ZNF41: variants seen among roughly 807,000 people sequenced by gnomAD.
ZNF41 encodes the protein zinc finger protein 41.
A neutral mutation model predicts 9.3 loss-of-function variants in ZNF41; 6 were observed. The observed-to-expected ratio is 0.65, with a 90% CI of 0.35 to 1.28. The LOEUF (loss-of-function observed/expected upper bound fraction) is 1.28. ZNF41 is among the 50% of genes most tolerant of loss of function. The probability of loss-of-function intolerance (pLI) is 0.03; values close to 1 mark genes in which losing one functional copy is unlikely to be tolerated. For missense variants in ZNF41, 523 were observed against 585.8 expected (o/e 0.89, Z 1.11); for synonymous variants, 192 against 207.1 (o/e 0.93, Z 0.63).
rs771308851 is a variant in ZNF41, at chrX:47,455,929, C to T, written c.287G>A (p.Ser96Asn). Residue 96 changes from serine (S) to asparagine (N), a missense_variant, in exon 4 of 5, where the codon AGC (serine) becomes AAC (asparagine). Ser to Asn is a conservative substitution (Grantham distance 46). Transcript: ENST00000684689. ...GGGTCATGCTCACTCACCTGAACAG[C>T]TCTGATGTGGGGCTTCCCCCTCCAG... ...WMLEGEAPHQSCSGEAIGKMQ... is the reference protein window; with the variant it reads ...WMLEGEAPHQNCSGEAIGKMQ... The T allele has an allele frequency of 1.3e-5, 16 of 1,209,216 alleles. No homozygotes were observed. Among genetic ancestry groups the T allele is most frequent in the South Asian group, 5.3e-5 (3 of 56,818 alleles).
At chrX:47,469,173 T>G (rs751748455) in intron 1 of ZNF41, among the ~76,000 whole-genome samples, 1 of 102,167 alleles carries the variant, frequency 9.8e-6, no homozygotes, top group Non-Finnish European at 2.0e-5. Flanking sequence ...TAGCCGGGCG[T>G]AGTGGCGGGC....
At chrX:47,456,647 C>CT (rs2056576471) in intron 2 of ZNF41, among the ~76,000 whole-genome samples, 1 of 112,161 alleles carries the variant, frequency 8.9e-6, no homozygotes, top group African/African-American at 3.2e-5. Context: ...AATGGGCTCT[C>CT]TTTAAGTCCT....
intron 1 of ZNF41, among the ~76,000 whole-genome samples, chrX:47,478,668 G>A (rs908084618): frequency 9.0e-6 from 1 of 111,169 alleles, no homozygotes; most frequent in Non-Finnish European, 1.9e-5. Context: ...AATCATGGCC[G>A]GACACAGTGG....
chrX:47,476,029 C>T (rs1377319058), intron 1 of ZNF41, among the ~76,000 whole-genome samples: 1 of 111,278 alleles, frequency 9.0e-6, no homozygotes, highest in Non-Finnish European at 1.9e-5. Context: ...CATATGAAAA[C>T]TATAAGGACA....
intron 4 of ZNF41, among the ~76,000 whole-genome samples, chrX:47,453,067 A>G (rs1465145478): frequency 8.9e-6 from 1 of 112,263 alleles, no homozygotes; most frequent in Non-Finnish European, 1.9e-5. Context: ...AGATTTTTCT[A>G]TAAAAAGAAA....
chrX:47,482,369 C>T (rs1360895257), intron 1 of ZNF41: 1 of 109,278 alleles, frequency 9.2e-6, no homozygotes, highest in African/African-American at 3.5e-5. Flanking sequence ...CATAACATCC[C>T]CATAATTATC....
At chrX:47,465,744 C>T (rs1029404242) in intron 2 of ZNF41, among the ~76,000 whole-genome samples, 6 of 110,384 alleles carry the variant, frequency 5.4e-5, no homozygotes, top group Admixed American at 4.9e-4. Flanking sequence ...GAGGTTGAGG[C>T]TGCAGTAAGC....
chrX:47,476,021 T>C (rs1054556219), intron 1 of ZNF41, among the ~76,000 whole-genome samples: 1 of 111,136 alleles, frequency 9.0e-6, no homozygotes, highest in African/African-American at 3.3e-5. Flanking sequence ...GATAGGAACA[T>C]ATGAAAACTA....
Position 47,445,497 on chromosome X carries a change from G to C in ZNF41, c.*1933C>G, listed in dbSNP as rs968447255. On this transcript the variant is annotated 3_prime_UTR_variant, in exon 5 of 5. Coordinates refer to ENST00000684689, the MANE Select transcript of ZNF41 (RefSeq NM_001324144.2). Reference sequence around the variant, plus strand: ...TATATGCCCACCACTAATGGCTATAGTAAAAAAGATGGAAAATGCCAAATG... The same window carrying C: ...TATATGCCCACCACTAATGGCTATACTAAAAAAGATGGAAAATGCCAAATG... 2.7e-5 allele frequency among the ~76,000 whole-genome samples: 3 copies of C among 112,207 alleles called. No individual in the cohort carries two copies. The highest frequency in any genetic ancestry group is 9.7e-5 in the African/African-American group (3 of 30,901).
intron 2 of ZNF41, among the ~76,000 whole-genome samples, chrX:47,464,128 A>G (rs6608724): frequency 0.27 from 29,477 of 109,159 alleles, 3,045 homozygotes; most frequent in South Asian, 0.4. Context: ...CTATTTCCTG[A>G]TACCTCCTCC....
intron 1 of ZNF41, 91 bp from the exon 2 acceptor site, chrX:47,467,851 G>C (rs965913708): frequency 2.2e-5 from 5 of 231,360 alleles, no homozygotes; most frequent in African/African-American, 5.7e-5. Flanking sequence ...AATGAATGAG[G>C]GTTTGTATTT....
chrX:47,471,421 C>T (rs1177044885), intron 1 of ZNF41, among the ~76,000 whole-genome samples: 1 of 108,625 alleles, frequency 9.2e-6, no homozygotes, highest in African/African-American at 3.4e-5. Flanking sequence ...TGCACTCCAG[C>T]CTGGGGGGAT....
rs2056296455 is a variant in ZNF41 at position 47,449,900 on chromosome X, A to G, written c.296-426T>C. 2.7e-5 allele frequency among the ~76,000 whole-genome samples: 3 copies of G among 111,782 alleles called. No individual in the cohort carries two copies. In the South Asian group the frequency reaches 1.1e-3, roughly 42 times the overall value. Reference sequence around the variant, plus strand: ...TGTAAGAGGCCTGGATTGTGAGTAGAGTAACCAGAAGAAACTGCAGCCTGT... The same window carrying G: ...TGTAAGAGGCCTGGATTGTGAGTAGGGTAACCAGAAGAAACTGCAGCCTGT... On this transcript the variant is annotated intron_variant, in intron 4 of 4. Transcript: ENST00000684689.
chrX:47,456,106 TA>T, intron 3 of ZNF41, 90 bp from the exon 4 acceptor site: 1 of 1,074,936 alleles, frequency 9.3e-7, no homozygotes, highest in Non-Finnish European at 1.3e-6. Flanking sequence ...TTCAGAAAAG[TA>T]AACACATTTC....
At position 47,447,855 on chromosome X, in the gene ZNF41, C is replaced by G. The variant is rs149654498; in HGVS notation, c.1915G>C (p.Asp639His). 9.9e-6 allele frequency: 12 copies of G among 1,209,779 alleles called. No individual in the cohort carries two copies. In the African/African-American group the frequency reaches 1.9e-4, roughly 19 times the overall value. The part of the protein sequence containing the change: ...HTGEKPYECS[D>H]CGKCFTKKSQ... ...TTCTTAGTGAAGCATTTCCCACAGT[C>G]GCTGCATTCATAAGGCTTCTCTCCA... Residue 639 changes from aspartate (D) to histidine (H), a missense_variant, in exon 5 of 5, where the codon GAC becomes CAC. By Grantham distance (81) the Asp-to-His change is moderately conservative (BLOSUM62 -1). Transcript: ENST00000684689.
chrX:47,449,595 A>G, intron 4 of ZNF41, 121 bp from the exon 5 acceptor site: 1 of 779,666 alleles, frequency 1.3e-6, no homozygotes, highest in Admixed American at 3.5e-5. Context: ...ACAATATAGT[A>G]GTAATAATGT....
chrX:47,480,851 A>G (rs1429059274), intron 1 of ZNF41, among the ~76,000 whole-genome samples: 5 of 106,722 alleles, frequency 4.7e-5, no homozygotes, highest in Non-Finnish European at 7.7e-5. Flanking sequence ...AAAAAATCCA[A>G]TGTGGAACAG....
In ZNF41 at chrX:47,449,012, C is replaced by T. The variant is rs751814144; in HGVS notation, c.758G>A (p.Ser253Asn). Residue 253 changes from serine (S) to asparagine (N), a missense_variant, in exon 5 of 5, where the codon AGC (serine) becomes AAC (asparagine). Physicochemically the swap from Ser to Asn is conservative, Grantham distance 46. Transcript: ENST00000684689. ...CEHDHYEKHL[S>N]HKQAPTHHQK... ...ATGGTGGGTGGGAGCTTGTTTGTGGCTGAGATGTTTTTCATAGTGGTCATG... is the reference window on the plus strand; with the variant it reads ...ATGGTGGGTGGGAGCTTGTTTGTGGTTGAGATGTTTTTCATAGTGGTCATG... The T allele has an allele frequency of 1.7e-6, 2 of 1,211,587 alleles. No homozygotes were observed. The highest frequency in any genetic ancestry group is 2.2e-6 in the Non-Finnish European group (2 of 895,539).
intron 4 of ZNF41, among the ~76,000 whole-genome samples, chrX:47,451,777 G>A (rs898634431): frequency 2.7e-5 from 3 of 112,196 alleles, no homozygotes; most frequent in Non-Finnish European, 3.8e-5. Flanking sequence ...TCGGGAGGCT[G>A]AGGCAGGAGA....
Sources: gnomAD v4.1 joint callset for allele counts (sites outside exome capture counted in the v4.1 genomes callset) on GRCh38, gnomAD v4.1.1 for gene constraint, MANE v1.5 for transcripts, NCBI Gene and HGNC (gene_info 2026-07-23, HGNC 2026-07-21) for gene names.